Variants in GRXCR2 observed in about 807,000 individuals in gnomAD.
GRXCR2 encodes the protein glutaredoxin domain-containing cysteine-rich protein 2.
Under a neutral mutation model 24.8 loss-of-function variants are expected in GRXCR2, and 23 were observed. The ratio of observed to expected loss-of-function variants is 0.93; its 90% CI spans 0.67 to 1.32. GRXCR2 has a LOEUF of 1.32. GRXCR2 is among the 40% of genes most tolerant of loss of function. The probability of loss-of-function intolerance (pLI) is 0.00; values close to 1 mark genes in which losing one functional copy is unlikely to be tolerated. For missense variants in GRXCR2, 315 were observed against 303.4 expected (o/e 1.04, Z -0.28); for synonymous variants, 130 against 116.1 (o/e 1.12, Z -0.77).
Position 145,902,531 on chromosome 5 carries a change from T to C in GRXCR2, c.-70+33170A>G, listed in dbSNP as rs116159477. ...TGATTGGGTTTCCCACTAAACAATT[T>C]CACCTGTCTCTCTCCTCTGGAATGA... On this transcript the variant is annotated intron_variant, in intron 2 of 3. Transcript: ENST00000639411. Among the ~76,000 whole-genome samples, 432 of 152,312 alleles carry C rather than the reference T, an allele frequency of 2.8e-3. 2 individuals are homozygous for C. The highest frequency in any genetic ancestry group is 0.01 in the African/African-American group (422 of 41,564).
rs370735970 is a variant in GRXCR2 at position 145,931,095 on chromosome 5, G to A, written c.-70+4606C>T. Among the ~76,000 whole-genome samples the A allele has an allele frequency of 1.6e-4, 25 of 152,100 alleles. No individual in the cohort carries two copies. In the East Asian group the frequency reaches 1.7e-3, roughly 11 times the overall value. ...CACCCAGGCTGGAGTGCAGTGGTGC[G>A]ATCTCAGTTCACTGCAGCCTCAACC... On this transcript the variant is annotated intron_variant, in intron 2 of 3. Transcript: ENST00000639411.
At chr5:145,903,105 C>T (rs770364559) in intron 2 of GRXCR2, among the ~76,000 whole-genome samples, 27 of 152,298 alleles carry the variant, frequency 1.8e-4, no homozygotes, top group Admixed American at 5.2e-4. Flanking sequence ...TTGTGCCTAG[C>T]CCCCTAAAAG....
At chr5:145,916,129 G>T (rs1391107544) in intron 2 of GRXCR2, among the ~76,000 whole-genome samples, 1 of 152,144 alleles carries the variant, frequency 6.6e-6, no homozygotes, top group Non-Finnish European at 1.5e-5. Flanking sequence ...GGGGGGCGCT[G>T]CTCAGAGCCC....
At chr5:145,922,817 GC>G (rs1343527864) in intron 2 of GRXCR2, among the ~76,000 whole-genome samples, 2 of 152,240 alleles carry the variant, frequency 1.3e-5, no homozygotes, top group African/African-American at 4.8e-5. Context: ...CCAAAGCTAG[GC>G]CAAACTCCCA....
intron 2 of GRXCR2, among the ~76,000 whole-genome samples, chr5:145,884,657 G>C (rs1756753744): frequency 6.6e-6 from 1 of 152,002 alleles, no homozygotes; most frequent in Non-Finnish European, 1.5e-5. Flanking sequence ...ATGCTTGATG[G>C]CTGCTTATTT....
intron 1 of GRXCR2, among the ~76,000 whole-genome samples, chr5:145,868,019 T>C (rs1756464669): frequency 6.6e-6 from 1 of 152,168 alleles, no homozygotes; most frequent in African/African-American, 2.4e-5. Context: ...CTCTATTGGC[T>C]TCTCTGCTGA....
In GRXCR2 at chr5:145,911,053, G is replaced by A. The variant is rs151275441; in HGVS notation, c.-70+24648C>T. On this transcript the variant is annotated intron_variant, in intron 2 of 3. Transcript: ENST00000639411. ...TTACTTTTATTTTCATTTTTAAAAA[G>A]GGGTTATATTATTTTTATTGAAAAT... Among the ~76,000 whole-genome samples the A allele has an allele frequency of 3.0e-3, 452 of 152,056 alleles. 1 individual carries two copies. The highest frequency in any genetic ancestry group is 0.01 in the African/African-American group (433 of 41,492).
intron 2 of GRXCR2, among the ~76,000 whole-genome samples, chr5:145,890,490 C>A (rs183234795): frequency 6.6e-6 from 1 of 152,152 alleles, no homozygotes; most frequent in Non-Finnish European, 1.5e-5. Flanking sequence ...GCAGAAAAAG[C>A]AAACAACCTG....
At chr5:145,925,905 C>A (rs1191045885) in intron 2 of GRXCR2, among the ~76,000 whole-genome samples, 1 of 152,158 alleles carries the variant, frequency 6.6e-6, no homozygotes, top group Middle Eastern at 3.4e-3. Flanking sequence ...AAAGAGACAT[C>A]TTGCACTAAT....
At chr5:145,897,509 A>T (rs1361874658) in intron 2 of GRXCR2, among the ~76,000 whole-genome samples, 1 of 152,080 alleles carries the variant, frequency 6.6e-6, no homozygotes, top group African/African-American at 2.4e-5. Context: ...TAATCACAGA[A>T]TATACATTCT....
Position 145,883,843 on chromosome 5 carries a change from G to A in GRXCR2, c.-69-17115C>T, listed in dbSNP as rs555446146. Among the ~76,000 whole-genome samples, 11 of 152,268 alleles carry A rather than the reference G, an allele frequency of 7.2e-5. No homozygotes were observed. The East Asian group carries it at 1.2e-3, about 16-fold the overall frequency. ...GTCACAGCTGTAGTCAGCCGAGATCGCACCACTGCACTCCAGCCTGGGCGA... is the reference window on the plus strand; with the variant it reads ...GTCACAGCTGTAGTCAGCCGAGATCACACCACTGCACTCCAGCCTGGGCGA... On this transcript the variant is annotated intron_variant, in intron 2 of 3. Coordinates refer to the GRXCR2 transcript ENST00000639411.
intron 2 of GRXCR2, among the ~76,000 whole-genome samples, chr5:145,901,609 G>A (rs1757022659): frequency 6.6e-6 from 1 of 152,136 alleles, no homozygotes; most frequent in Non-Finnish European, 1.5e-5. Context: ...AGGGGATTGG[G>A]AGTACTAAAC....
chr5:145,868,923 T>C (rs1029488112), intron 1 of GRXCR2, among the ~76,000 whole-genome samples: 3 of 152,228 alleles, frequency 2.0e-5, no homozygotes, highest in African/African-American at 7.2e-5. Flanking sequence ...TTACATCAAA[T>C]GTCAATGGGG....
At chr5:145,905,957 T>C (rs1198372635) in intron 2 of GRXCR2, among the ~76,000 whole-genome samples, 7 of 152,138 alleles carry the variant, frequency 4.6e-5, no homozygotes, top group African/African-American at 9.7e-5. Flanking sequence ...GAGGAATAGA[T>C]TGGGGCTACA....
At chr5:145,922,622 T>C (rs1757337839) in intron 2 of GRXCR2, among the ~76,000 whole-genome samples, 1 of 152,202 alleles carries the variant, frequency 6.6e-6, no homozygotes, top group Non-Finnish European at 1.5e-5. Flanking sequence ...TAGGTATTTA[T>C]TTTCCCCACA....
chr5:145,876,179 A>ATG (rs200140784), upstream of GRXCR2, among the ~76,000 whole-genome samples: 12,526 of 112,880 alleles, frequency 0.11, 638 homozygotes, highest in East Asian at 0.22. Context: ...AAAAAATTGT[A>ATG]TGTGTGTGTG....
chr5:145,874,329 G>A (rs919284089), upstream of GRXCR2, among the ~76,000 whole-genome samples: 4 of 151,654 alleles, frequency 2.6e-5, no homozygotes, highest in South Asian at 2.1e-4. Context: ...TCAGCCTCCC[G>A]AGTAGCTGGG....
chr5:145,882,815 A>G (rs1333235455), intron 2 of GRXCR2, among the ~76,000 whole-genome samples: 1 of 152,184 alleles, frequency 6.6e-6, no homozygotes, highest in African/African-American at 2.4e-5. Flanking sequence ...AATGTGGCAC[A>G]TATACACCAT....
chr5:145,894,057 C>G (rs1055746072), intron 2 of GRXCR2, among the ~76,000 whole-genome samples: 2 of 152,094 alleles, frequency 1.3e-5, no homozygotes, highest in African/African-American at 4.8e-5. Flanking sequence ...GAAATGAAGG[C>G]AGAAATAAAG....
Sources: gnomAD v4.1 joint callset for allele counts (sites outside exome capture counted in the v4.1 genomes callset) on GRCh38, gnomAD v4.1.1 for gene constraint, MANE v1.5 for transcripts, NCBI Gene and HGNC (gene_info 2026-07-23, HGNC 2026-07-21) for gene names.